ANO3: variants seen among roughly 807,000 people sequenced by gnomAD.
ANO3 encodes anoctamin-3.
A neutral mutation model predicts 144.8 loss-of-function variants in ANO3; 99 were observed. The ratio of observed to expected loss-of-function variants is 0.68; its 90% CI spans 0.58 to 0.81. The LOEUF is 0.81. ANO3 is among the 30% of genes least tolerant of loss of function. ANO3 has a pLI of 0.00. For missense variants in ANO3, 905 were observed against 1,202.2 expected, an observed-to-expected ratio of 0.75 and a Z score of 3.66; for synonymous variants, 414 against 392.6, an observed-to-expected ratio of 1.05 and a Z score of -0.64.
chr11:26,481,977 C>G (rs986006895), intron 4 of ANO3, among the ~76,000 whole-genome samples: 2 of 152,042 alleles, frequency 1.3e-5, no homozygotes, highest in Non-Finnish European at 2.9e-5. Context: ...ACTGCAGCCT[C>G]GAAGTCCTGG....
At chr11:26,377,879 T>C (rs7928015) in intron 1 of ANO3, among the ~76,000 whole-genome samples, 40,608 of 151,984 alleles carry the variant, frequency 0.27, 6,096 homozygotes, top group African/African-American at 0.41. Context: ...CTCCAAATTA[T>C]AGAGAAGAAA....
At position 26,222,756 on chromosome 11, in the gene ANO3, T is replaced by A. The variant is rs1002322078; in HGVS notation, c.154+33426T>A. On this transcript the variant is annotated intron_variant, in intron 1 of 27. Transcript: ENST00000672621. ...CACCCTCCAGAGCTGTGGTATAAGC[T>A]GTACCTGGGCTCCCCTTGAACTGAG... Among the ~76,000 whole-genome samples the A allele has an allele frequency of 8.5e-5, 13 of 152,202 alleles. No homozygotes were observed. In the East Asian group the frequency reaches 9.7e-4, roughly 11 times the overall value.
At chr11:26,352,083 T>C (rs1855661153) in intron 1 of ANO3, among the ~76,000 whole-genome samples, 1 of 152,076 alleles carries the variant, frequency 6.6e-6, no homozygotes, top group Admixed American at 6.6e-5. Flanking sequence ...AGGAATAAAT[T>C]AGATAAAAAC....
rs566143376 is a variant in ANO3 at position 26,370,664 on chromosome 11, G to A, written c.46+38343G>A. Among the ~76,000 whole-genome samples the A allele has an allele frequency of 3.3e-5, 5 of 152,322 alleles. No individual in the cohort carries two copies. In the South Asian group the frequency reaches 1.0e-3, roughly 32 times the overall value. Reference sequence around the variant, plus strand: ...GAACTTCCTAGAGACTTTTTGAATGGCTTTGGCCAAAAGTCTGTTAGTAAT... The same window carrying A: ...GAACTTCCTAGAGACTTTTTGAATGACTTTGGCCAAAAGTCTGTTAGTAAT... On this transcript the variant is annotated intron_variant, in intron 1 of 26. Transcript: ENST00000256737.
chr11:26,623,833 C>A (rs1852494092), intron 17 of ANO3, among the ~76,000 whole-genome samples: 1 of 151,978 alleles, frequency 6.6e-6, no homozygotes, highest in Non-Finnish European at 1.5e-5. Context: ...CTCGCCCAGG[C>A]TGGAGTGCAG....
Position 26,315,682 on chromosome 11 carries a change from T to C in ANO3, c.-3+5963T>C, listed in dbSNP as rs191056437. Among the ~76,000 whole-genome samples the C allele has an allele frequency of 3.7e-3, 517 of 138,052 alleles. 4 individuals carry two copies. The highest frequency in any genetic ancestry group is 0.014 in the African/African-American group (492 of 35,168). The allele number at this position is 138,052 out of a possible 152,430, so 90.6% of individuals were successfully genotyped here. A position where few individuals can be genotyped will look rare whatever the true frequency, so the allele number is the denominator to read the frequency against. On this transcript the variant is annotated intron_variant, in intron 1 of 26. Coordinates refer to the ANO3 transcript ENST00000525139. Reference sequence around the variant, plus strand: ...CTGTCTATCTATCTATCTATCTATCTATCCATCTATCTATCTATCTATCTA... The same window carrying C: ...CTGTCTATCTATCTATCTATCTATCCATCCATCTATCTATCTATCTATCTA...
At chr11:26,542,261 C>A (rs926731258) in intron 11 of ANO3, among the ~76,000 whole-genome samples, 193 bp downstream of exon 11, 3 of 152,076 alleles carry the variant, frequency 2.0e-5, no homozygotes, top group Non-Finnish European at 2.9e-5. Context: ...AGAAATCAAA[C>A]AGGCTTTGCA....
At chr11:26,258,475 T>C (rs937068512) in intron 1 of ANO3, among the ~76,000 whole-genome samples, 5 of 152,222 alleles carry the variant, frequency 3.3e-5, no homozygotes, top group African/African-American at 1.2e-4. Context: ...GAAAACGAAA[T>C]TGGAGTAAGA....
chr11:26,574,845 G>T (rs1189559258), intron 14 of ANO3, among the ~76,000 whole-genome samples: 1 of 151,988 alleles, frequency 6.6e-6, no homozygotes, highest in Non-Finnish European at 1.5e-5. Context: ...GAAATTCTAG[G>T]ACAATGCCCT....
intron 1 of ANO3, among the ~76,000 whole-genome samples, chr11:26,195,114 T>C (rs1851559451): frequency 6.6e-6 from 1 of 152,134 alleles, no homozygotes; most frequent in Non-Finnish European, 1.5e-5. Context: ...TGTGAGGCAA[T>C]GGAAAGAAAA....
chr11:26,545,555 T>C (rs987602717), intron 11 of ANO3, among the ~76,000 whole-genome samples: 1 of 151,992 alleles, frequency 6.6e-6, no homozygotes, highest in African/African-American at 2.4e-5. Flanking sequence ...TTTAAAAAAT[T>C]ACACAATAGG....
At chr11:26,321,044 T>C (rs1184965219) in intron 1 of ANO3, among the ~76,000 whole-genome samples, 1 of 152,136 alleles carries the variant, frequency 6.6e-6, no homozygotes, top group Admixed American at 6.5e-5. Context: ...CCTGGTTTAA[T>C]CAAGATGCAA....
At chr11:26,337,620 C>T (rs1297842912) in intron 1 of ANO3, among the ~76,000 whole-genome samples, 1 of 152,162 alleles carries the variant, frequency 6.6e-6, no homozygotes, top group Non-Finnish European at 1.5e-5. Context: ...ATTCAACCTT[C>T]TCTTCATTAT....
At chr11:26,286,131 A>C (rs1011575333) in intron 1 of ANO3, 1 of 152,228 alleles carries the variant, frequency 6.6e-6, no homozygotes, top group Non-Finnish European at 1.5e-5. Flanking sequence ...TTCCATATGA[A>C]AATAAGCAGG....
chr11:26,479,968 AG>A (rs1455088863), intron 4 of ANO3, among the ~76,000 whole-genome samples: 1 of 152,172 alleles, frequency 6.6e-6, no homozygotes, highest in Non-Finnish European at 1.5e-5. Flanking sequence ...CTAGGGGCAG[AG>A]GAAAAGGTTT....
intron 1 of ANO3, among the ~76,000 whole-genome samples, chr11:26,434,310 C>CA: frequency 6.6e-6 from 1 of 151,828 alleles, no homozygotes; most frequent in Non-Finnish European, 1.5e-5. Context: ...TTACATGAAT[C>CA]ATCTCTCTTT....
rs1554920734 is a variant in ANO3 at position 26,194,450 on chromosome 11, G to GTGTGTGTGTGTGTA, written c.154+5133_154+5134insATGTGTGTGTGTGT. Among the ~76,000 whole-genome samples, 6 of 144,588 alleles carry GTGTGTGTGTGTGTA rather than the reference G, an allele frequency of 4.1e-5. No individual in the cohort carries two copies. In the East Asian group the frequency reaches 1.2e-3, roughly 29 times the overall value. 94.9% of individuals were successfully genotyped at this position (144,588 alleles called of 152,430 possible). ...TGTGGGTACATAGTGGTGTGTGTGTGTGTGTGTGTGTGTGTGTGTGTGTGT... is the reference window on the plus strand; with the variant it reads ...TGTGGGTACATAGTGGTGTGTGTGTGTGTGTGTGTGTGTATGTGTGTGTGTGTGTGTGTGTGTGT... On this transcript the variant is annotated intron_variant, in intron 1 of 27. Coordinates refer to the ANO3 transcript ENST00000672621.
At chr11:26,599,519 TG>T (rs1565133815) in intron 16 of ANO3, 30 bp from the exon 17 acceptor site, 1 of 1,595,408 alleles carries the variant, frequency 6.3e-7, no homozygotes, top group Non-Finnish European at 8.6e-7. Context: ...ATGTAAAATA[TG>T]GATGTTTTTT....
At chr11:26,518,153 T>A (rs1861930879) in intron 6 of ANO3, among the ~76,000 whole-genome samples, 1 of 152,030 alleles carries the variant, frequency 6.6e-6, no homozygotes, top group Admixed American at 6.6e-5. Context: ...ATTTTGAGAG[T>A]ACAGCTAGGT....
Sources: allele counts gnomAD v4.1 joint callset (sites outside exome capture counted in the v4.1 genomes callset), GRCh38; gene constraint gnomAD v4.1.1; transcripts MANE v1.5; gene names NCBI Gene and HGNC (gene_info 2026-07-23, HGNC 2026-07-21).